TTLL6: variants seen among roughly 807,000 people sequenced by gnomAD.
The protein encoded by TTLL6 is tubulin polyglutamylase TTLL6.
Under a neutral mutation model 96.4 loss-of-function variants are expected in TTLL6, and 75 were observed. The observed-to-expected ratio is 0.78, with a 90% CI of 0.65 to 0.94. TTLL6 has a LOEUF of 0.94. Among genes scored for constraint, TTLL6 ranks in the 40% least tolerant of loss-of-function variants. The probability of loss-of-function intolerance (pLI) is 0.00; values close to 1 mark genes in which losing one functional copy is unlikely to be tolerated. For missense variants in TTLL6, 1,030 were observed against 1,093.0 expected (o/e 0.94, Z 0.81); for synonymous variants, 411 against 419.4 (o/e 0.98, Z 0.24).
chr17:48,797,704 T>C (rs1051398872), intron 6 of TTLL6, among the ~76,000 whole-genome samples: 3 of 148,590 alleles, frequency 2.0e-5, no homozygotes, highest in African/African-American at 5.0e-5. Context: ...GGAGAATCAC[T>C]TGAGCCCCGG....
Position 48,797,098 on chromosome 17 carries a change from G to A in TTLL6, c.875C>T (p.Ala292Val), listed in dbSNP as rs532335790. The change falls in exon 7 of 16, where the codon GCG becomes GTG. Residue 292 changes from alanine to valine, a missense_variant. Physicochemically the swap from Ala to Val is moderately conservative, Grantham distance 64 (BLOSUM62 0). Coordinates refer to ENST00000393382, the MANE Select transcript of TTLL6 (RefSeq NM_001130918.3). ...FVYNEGLARF[A>V]TTSYSRPCTD... ...GCAAGGGCGGGAGTAAGAGGTCGTC[G>A]CAAAGCGGGCCAGTCCTTCATTGTA... 1.3e-5 allele frequency: 20 copies of A among 1,551,428 alleles called. No homozygotes were observed. The highest frequency in any genetic ancestry group is 1.4e-5 in the Non-Finnish European group (16 of 1,146,956).
intron 5 of TTLL6, chr17:48,800,048 A>G (rs774670961): frequency 3.0e-6 from 1 of 338,236 alleles, no homozygotes; most frequent in Non-Finnish European, 5.5e-6. Context: ...TCATCTATAC[A>G]GTGAGGATAA....
chr17:48,770,238 C>T, intron 13 of TTLL6, 141 bp from the exon 14 acceptor site: 1 of 1,163,398 alleles, frequency 8.6e-7, no homozygotes, highest in Non-Finnish European at 1.2e-6. Flanking sequence ...AAGTGATGCT[C>T]CTGCCTCAGC....
At chr17:48,797,580 A>G (rs535745611) in intron 6 of TTLL6, among the ~76,000 whole-genome samples, 3 of 152,248 alleles carry the variant, frequency 2.0e-5, no homozygotes, top group African/African-American at 7.2e-5. Context: ...TGAGGTCAGG[A>G]GTTCGAGACC....
intron 1 of TTLL6, among the ~76,000 whole-genome samples, chr17:48,809,844 CCT>C (rs2039553699): frequency 6.6e-6 from 1 of 151,186 alleles, no homozygotes; most frequent in Non-Finnish European, 1.5e-5. Flanking sequence ...TGACAGAGAC[CCT>C]GTCTCAAAAA....
intron 5 of TTLL6, chr17:48,800,049 G>A (rs2039382709): frequency 3.0e-5 from 10 of 337,284 alleles, no homozygotes; most frequent in Non-Finnish European, 5.0e-5. Context: ...CATCTATACA[G>A]TGAGGATAAT....
At chr17:48,790,740 C>T (rs532891652) in intron 9 of TTLL6, among the ~76,000 whole-genome samples, 1 of 152,300 alleles carries the variant, frequency 6.6e-6, no homozygotes, top group South Asian at 2.1e-4. Context: ...GACCTGTAAT[C>T]TCGGGTTCTC....
chr17:48,811,062 A>C (rs1030608623), intron 1 of TTLL6, among the ~76,000 whole-genome samples: 5 of 113,494 alleles, frequency 4.4e-5, no homozygotes, highest in African/African-American at 1.6e-4. Context: ...TTATATTATT[A>C]TTTTTCTTTT....
chr17:48,764,320 G>A (rs141790846), intron 15 of TTLL6, among the ~76,000 whole-genome samples: 1 of 152,178 alleles, frequency 6.6e-6, no homozygotes, highest in Non-Finnish European at 1.5e-5. Context: ...TCCTCACATG[G>A]GTCAGGATGG....
At chr17:48,803,630 CTT>C (rs1408997016) in intron 3 of TTLL6, among the ~76,000 whole-genome samples, 1 of 152,200 alleles carries the variant, frequency 6.6e-6, no homozygotes, top group Non-Finnish European at 1.5e-5. Flanking sequence ...ACAGCTGTCT[CTT>C]TTACAAGTAG....
chr17:48,769,596 G>T, intron 14 of TTLL6, 132 bp downstream of exon 14: 1 of 1,131,088 alleles, frequency 8.8e-7, no homozygotes, highest in Non-Finnish European at 1.3e-6. Context: ...TCCACCATCA[G>T]ACTGGGGTTT....
At position 48,770,055 on chromosome 17, in the gene TTLL6, G is replaced by C. The variant is rs151038220; in HGVS notation, c.2083C>G (p.Leu695Val). The change falls in exon 14 of 16, where the codon CTC becomes GTC. Residue 695 changes from leucine (L) to valine (V), a missense_variant. Transcript: ENST00000393382. ...GGCGGAGACTTTGGGGAGATTGAGA[G>C]TTGGGTGGTGGATTCTGGGGTGGTT... ...VETTPESTTQ[L>V]SISPKSPPTL... 724 of 1,613,700 alleles carry C rather than the reference G, an allele frequency of 4.5e-4. No individual in the cohort carries two copies. The highest frequency in any genetic ancestry group is 6.0e-4 in the Non-Finnish European group (708 of 1,179,744).
chr17:48,778,873 T>C (rs2038933004), intron 13 of TTLL6, among the ~76,000 whole-genome samples: 1 of 147,342 alleles, frequency 6.8e-6, no homozygotes, highest in South Asian at 2.1e-4. Context: ...GAGGTTGCAG[T>C]GAGCTGAGAC....
At chr17:48,771,682 T>C (rs1260865021) in intron 13 of TTLL6, among the ~76,000 whole-genome samples, 1 of 151,544 alleles carries the variant, frequency 6.6e-6, no homozygotes, top group Non-Finnish European at 1.5e-5. Flanking sequence ...TATATATATA[T>C]TTATCTATCA....
chr17:48,791,332 C>T (rs761386589), intron 9 of TTLL6, 46 bp downstream of exon 9: 2 of 1,549,298 alleles, frequency 1.3e-6, no homozygotes, highest in East Asian at 2.3e-5. Context: ...GCGGGCTGGC[C>T]CCAATAACAG....
chr17:48,783,161 T>C (rs2039020866), intron 13 of TTLL6, among the ~76,000 whole-genome samples: 1 of 152,142 alleles, frequency 6.6e-6, no homozygotes, highest in Non-Finnish European at 1.5e-5. Context: ...GGTGATGGAT[T>C]GTGAAATAAA....
intron 8 of TTLL6, among the ~76,000 whole-genome samples, chr17:48,793,886 T>G (rs2039271997): frequency 6.6e-6 from 1 of 152,096 alleles, no homozygotes; most frequent in Non-Finnish European, 1.5e-5. Context: ...TCTCCACCCC[T>G]GGAGATGAGA....
intron 12 of TTLL6, among the ~76,000 whole-genome samples, chr17:48,785,511 T>C (rs974124702): frequency 6.6e-6 from 1 of 152,106 alleles, no homozygotes; most frequent in African/African-American, 2.4e-5. Flanking sequence ...AGTTGAATAA[T>C]ACGAAACAAA....
intron 8 of TTLL6, among the ~76,000 whole-genome samples, chr17:48,795,825 ATC>A (rs1318718707): frequency 6.6e-6 from 1 of 152,158 alleles, no homozygotes; most frequent in African/African-American, 2.4e-5. Context: ...GCTCATGTTT[ATC>A]TCTCCTCCTC....
Sources: allele counts gnomAD v4.1 joint callset (sites outside exome capture counted in the v4.1 genomes callset), GRCh38; gene constraint gnomAD v4.1.1; transcripts MANE v1.5; gene names NCBI Gene and HGNC (gene_info 2026-07-23, HGNC 2026-07-21).